The following PRLR variants were observed in gnomAD, a reference collection of about 807,000 sequenced individuals.
PRLR encodes the protein hPRL receptor.
Under a neutral mutation model 40.2 loss-of-function variants are expected in PRLR, and 13 were observed. That is an observed-to-expected ratio of 0.32 (90% CI 0.21 to 0.51). The LOEUF (loss-of-function observed/expected upper bound fraction) is 0.51, where lower values mean the gene tolerates loss of function less well. PRLR is among the 20% of genes least tolerant of loss of function. PRLR has a pLI of 0.97. For missense variants in PRLR, 656 were observed against 747.3 expected (o/e 0.88, Z 1.42); for synonymous variants, 269 against 278.7 (o/e 0.97, Z 0.35).
chr5:35,184,206 A>G (rs1775365733), intron 1 of PRLR, among the ~76,000 whole-genome samples: 1 of 152,008 alleles, frequency 6.6e-6, no homozygotes, highest in Admixed American at 6.5e-5. Context: ...TAAGTGGGAG[A>G]CCCTTAAGCT....
At chr5:35,120,964 C>T (rs567625877) in intron 1 of PRLR, among the ~76,000 whole-genome samples, 1 of 152,256 alleles carries the variant, frequency 6.6e-6, no homozygotes, top group South Asian at 2.1e-4. Flanking sequence ...GGCTGTGTTC[C>T]AATAAAACTT....
At chr5:35,166,634 A>G (rs989015035) in intron 1 of PRLR, among the ~76,000 whole-genome samples, 2 of 152,088 alleles carry the variant, frequency 1.3e-5, no homozygotes, top group South Asian at 2.1e-4. Flanking sequence ...TCTCCTTTCA[A>G]TCTTGAAGAC....
chr5:35,152,272 T>C (rs1774363972), intron 1 of PRLR, among the ~76,000 whole-genome samples: 1 of 152,186 alleles, frequency 6.6e-6, no homozygotes, highest in Non-Finnish European at 1.5e-5. Flanking sequence ...TACAAATAAC[T>C]GTCCCTCAAG....
At position 35,060,915 on chromosome 5, in the gene PRLR, C is replaced by T. The variant is rs569853040; in HGVS notation, c.*4174G>A. 1 of 152,200 alleles carries T rather than the reference C, an allele frequency of 6.6e-6. No homozygotes were observed. Among genetic ancestry groups the T allele is most frequent in the Non-Finnish European group, 1.5e-5 (1 of 68,030 alleles). 9.4% of individuals were successfully genotyped at this position (152,200 alleles called of 1,614,324 possible). ...TTTTGGTATGGAGAGTCTCAAATCACAGGGTGGCAGGTTTATCCCCAAATC... is the reference window on the plus strand; with the variant it reads ...TTTTGGTATGGAGAGTCTCAAATCATAGGGTGGCAGGTTTATCCCCAAATC... On this transcript the variant is annotated 3_prime_UTR_variant, in exon 10 of 10. Transcript: ENST00000618457.
At chr5:35,108,884 C>A (rs567578593) in intron 2 of PRLR, among the ~76,000 whole-genome samples, 16 of 152,172 alleles carry the variant, frequency 1.1e-4, no homozygotes, top group African/African-American at 3.6e-4. Flanking sequence ...TCATAAGGAA[C>A]CAAAAAAAGA....
chr5:35,119,480 G>A (rs1773204346), intron 1 of PRLR, among the ~76,000 whole-genome samples: 1 of 152,006 alleles, frequency 6.6e-6, no homozygotes, highest in African/African-American at 2.4e-5. Context: ...TACAATCAGA[G>A]GCTACCATGT....
intron 1 of PRLR, among the ~76,000 whole-genome samples, chr5:35,129,267 TTC>T (rs1226449639): frequency 6.6e-6 from 1 of 152,166 alleles, no homozygotes; most frequent in Non-Finnish European, 1.5e-5. Flanking sequence ...AGAGAAAAAG[TTC>T]TCTTAGTGTT....
intron 2 of PRLR, among the ~76,000 whole-genome samples, chr5:35,102,497 A>ACTCCCCTCCTCTCCTCTCCT (rs1771955593): frequency 1.5e-5 from 1 of 68,770 alleles, no homozygotes; most frequent in African/African-American, 4.4e-5. Context: ...TCTCCTCTCC[A>ACTCCCCTCCTCTCCTCTCCT]CTCCTCTCCT....
rs142421176 is a variant in PRLR at position 35,146,507 on chromosome 5, G to C, written c.-105-28385C>G. ...TATTGTGTTCAGTACATGGGTGGCT[G>C]CCTTACTTCCTAACCGAGGGCTGGG... On this transcript the variant is annotated intron_variant, in intron 1 of 9. Transcript: ENST00000618457. 5.1e-3 allele frequency among the ~76,000 whole-genome samples: 784 copies of C among 152,298 alleles called. 6 individuals are homozygous for C. Among genetic ancestry groups the C allele is most frequent in the African/African-American group, 0.018 (733 of 41,558 alleles).
intron 1 of PRLR, among the ~76,000 whole-genome samples, chr5:35,226,382 C>G (rs1379561056): frequency 6.6e-6 from 1 of 152,184 alleles, no homozygotes; most frequent in East Asian, 1.9e-4. Flanking sequence ...CTTGATGACT[C>G]TTGGTTTCTT....
intron 1 of PRLR, among the ~76,000 whole-genome samples, chr5:35,162,386 A>G (rs1007363218): frequency 6.6e-6 from 1 of 152,242 alleles, no homozygotes; most frequent in African/African-American, 2.4e-5. Context: ...TTCTACCAAA[A>G]GGAGCTTCTT....
chr5:35,163,289 G>T (rs1335687389), intron 1 of PRLR, among the ~76,000 whole-genome samples: 1 of 152,160 alleles, frequency 6.6e-6, no homozygotes, highest in East Asian at 1.9e-4. Context: ...CAAGGACCTG[G>T]CTCTTCGCTG....
chr5:35,215,960 C>A (rs547422055), intron 1 of PRLR, among the ~76,000 whole-genome samples: 2 of 150,200 alleles, frequency 1.3e-5, no homozygotes, highest in African/African-American at 4.9e-5. Flanking sequence ...ATCGCTTGAA[C>A]GCAGGAGGCA....
intron 1 of PRLR, among the ~76,000 whole-genome samples, chr5:35,208,032 T>C (rs1330507176): frequency 6.6e-6 from 1 of 152,122 alleles, no homozygotes; most frequent in Non-Finnish European, 1.5e-5. Context: ...GAAGCATTGC[T>C]TGTCCAGTGA....
At chr5:35,110,578 C>T (rs1387136913) in intron 2 of PRLR, among the ~76,000 whole-genome samples, 2 of 152,158 alleles carry the variant, frequency 1.3e-5, no homozygotes, top group African/African-American at 4.8e-5. Flanking sequence ...TCTATAGTCC[C>T]AAGCAATCCT....
At chr5:35,206,934 A>G (rs141240263) in intron 1 of PRLR, among the ~76,000 whole-genome samples, 1 of 152,256 alleles carries the variant, frequency 6.6e-6, no homozygotes, top group African/African-American at 2.4e-5. Flanking sequence ...AATACATTTT[A>G]GAAATACTGG....
intron 1 of PRLR, among the ~76,000 whole-genome samples, chr5:35,124,572 C>G (rs1773395904): frequency 6.6e-6 from 1 of 152,084 alleles, no homozygotes; most frequent in Non-Finnish European, 1.5e-5. Context: ...TATTGAAGTC[C>G]CTTTTGCAGG....
In PRLR at chr5:35,049,085, G is replaced by T; in HGVS notation, c.*202C>A. 3 of 677,972 alleles carry T rather than the reference G, an allele frequency of 4.4e-6. No homozygotes were observed. In the Admixed American group the frequency reaches 6.2e-5, roughly 14 times the overall value. 42.0% of individuals were successfully genotyped at this position (677,972 alleles called of 1,614,324 possible). A position where few individuals can be genotyped will look rare whatever the true frequency, so the allele number is the denominator to read the frequency against. ...TCAATATAATTGTCCCTTTTTGTGT[G>T]GGTTTCCAGCTCCCAGTCAATTCTG... On this transcript the variant is annotated 3_prime_UTR_variant, in exon 9 of 9. Transcript: ENST00000231423.
intron 1 of PRLR, among the ~76,000 whole-genome samples, chr5:35,206,506 T>A (rs1195354198): frequency 6.6e-6 from 1 of 152,030 alleles, no homozygotes; most frequent in Non-Finnish European, 1.5e-5. Context: ...GTAACATGAA[T>A]AAAAAATGTT....
Sources: allele counts gnomAD v4.1 joint callset (sites outside exome capture counted in the v4.1 genomes callset), GRCh38; gene constraint gnomAD v4.1.1; transcripts MANE v1.5; gene names NCBI Gene and HGNC (gene_info 2026-07-23, HGNC 2026-07-21).